Variants in TCTN2 observed in about 807,000 individuals in gnomAD.
TCTN2 encodes the protein tectonic-2.
A neutral mutation model predicts 83.4 loss-of-function variants in TCTN2; 66 were observed. The observed-to-expected ratio is 0.79, with a 90% confidence interval of 0.65 to 0.97. TCTN2 has a LOEUF of 0.97. Ranked by LOEUF, TCTN2 falls within the 50% of genes least tolerant of loss-of-function variation. TCTN2 has a pLI of 0.00. For missense variants in TCTN2, 794 were observed against 858.1 expected (o/e 0.93, Z 0.93); for synonymous variants, 301 against 326.7 (o/e 0.92, Z 0.85).
chr12:123,695,428 T>C (rs1442953058), intron 11 of TCTN2, 131 bp downstream of exon 11: 13 of 726,500 alleles, frequency 1.8e-5, no homozygotes, highest in Non-Finnish European at 2.9e-5. Context: ...TATTTTCTCT[T>C]TTTCTTTTTT....
intron 1 of TCTN2, 49 bp downstream of exon 1, chr12:123,671,371 G>T (rs777836313): frequency 3.1e-6 from 5 of 1,606,498 alleles, no homozygotes; most frequent in Middle Eastern, 1.7e-4. Flanking sequence ...TGAGGGGACT[G>T]GGCGTTAAAA....
chr12:123,685,281 T>A (rs1383508686), intron 5 of TCTN2, among the ~76,000 whole-genome samples: 1 of 152,186 alleles, frequency 6.6e-6, no homozygotes, highest in Admixed American at 6.6e-5. Context: ...AAACAATCAA[T>A]TTTTAATTTG....
chr12:123,692,938 C>G (rs1000998507), intron 9 of TCTN2, among the ~76,000 whole-genome samples: 8 of 151,840 alleles, frequency 5.3e-5, no homozygotes, highest in African/African-American at 1.9e-4. Flanking sequence ...CTCCACAGTC[C>G]TGGATTCTCT....
intron 9 of TCTN2, among the ~76,000 whole-genome samples, chr12:123,693,805 GTTTC>G (rs1353771569): frequency 6.7e-6 from 1 of 148,602 alleles, no homozygotes; most frequent in African/African-American, 2.5e-5. Context: ...GATACTGTTT[GTTTC>G]TTTCTTTTCT....
intron 14 of TCTN2, among the ~76,000 whole-genome samples, chr12:123,701,882 A>G (rs7305874): frequency 1 from 152,330 of 152,330 alleles, 76,165 homozygotes; most frequent in Non-Finnish European, 1. Context: ...ACAAAGGGAA[A>G]AAGATATACC....
intron 9 of TCTN2, among the ~76,000 whole-genome samples, chr12:123,694,457 G>A (rs745538507): frequency 6.6e-6 from 1 of 152,358 alleles, no homozygotes; most frequent in Non-Finnish European, 1.5e-5. Context: ...TCAAATGTTA[G>A]TGGAGTTCCT....
chr12:123,680,276 A>G (rs1366915866), intron 5 of TCTN2, among the ~76,000 whole-genome samples: 1 of 148,482 alleles, frequency 6.7e-6, no homozygotes, highest in Admixed American at 6.7e-5. Context: ...CGCTTGAACT[A>G]GGGAGGCAGA....
At chr12:123,680,299 C>A (rs1448697425) in intron 5 of TCTN2, among the ~76,000 whole-genome samples, 1 of 148,502 alleles carries the variant, frequency 6.7e-6, no homozygotes, top group Non-Finnish European at 1.5e-5. Context: ...TTGCAGTGAG[C>A]CAGAATTGTG....
intron 14 of TCTN2, among the ~76,000 whole-genome samples, chr12:123,700,721 G>A (rs1204481388): frequency 6.6e-6 from 1 of 152,178 alleles, no homozygotes; most frequent in Non-Finnish European, 1.5e-5. Context: ...GTTAGCCACC[G>A]TGCCAGGCCG....
chr12:123,687,122 C>A lies in TCTN2; in HGVS notation c.764+87C>A. The A allele has an allele frequency of 4.0e-6, 6 of 1,499,960 alleles. No homozygotes were observed. The East Asian group carries it at 6.8e-5, about 17-fold the overall frequency. 92.9% of individuals were successfully genotyped at this position (1,499,960 alleles called of 1,614,324 possible). The stretch of plus-strand genomic sequence containing the variant: ...TCTAGTAGGCCCTGCAACGCGGTCA[C>A]GTTTTTCCCAACCCCTCTCCAGAGG... On this transcript the variant is annotated intron_variant, in intron 6 of 17. Coordinates refer to ENST00000303372, the MANE Select transcript of TCTN2 (RefSeq NM_024809.5).
chr12:123,696,868 G>C, intron 12 of TCTN2: 1 of 563,654 alleles, frequency 1.8e-6, no homozygotes, highest in Non-Finnish European at 3.2e-6. Context: ...CCTGCCAGAG[G>C]CAGTGTCACT....
Position 123,688,089 on chromosome 12 carries a change from A to C in TCTN2, c.803A>C (p.Asp268Ala). 1 of 1,614,112 alleles carries C rather than the reference A, an allele frequency of 6.2e-7. No homozygotes were observed. The highest frequency in any genetic ancestry group is 8.5e-7 in the Non-Finnish European group (1 of 1,179,992). The change falls in exon 7 of 18, where the codon GAT becomes GCT. Residue 268 changes from aspartate to alanine, a missense_variant. Coordinates refer to ENST00000303372, the MANE Select transcript of TCTN2 (RefSeq NM_024809.5). Reference protein sequence around the residue: ...KQDSSFEVYVDTDAKDFADFG... With the variant: ...KQDSSFEVYVATDAKDFADFG... The stretch of plus-strand genomic sequence containing the variant: ...GACTCTTCCTTTGAAGTATATGTGG[A>C]TACTGACGCAAAAGACTTTGCAGAC...
intron 13 of TCTN2, among the ~76,000 whole-genome samples, chr12:123,698,850 C>A (rs1956140179): frequency 6.6e-6 from 1 of 152,130 alleles, no homozygotes; most frequent in South Asian, 2.1e-4. Flanking sequence ...AAATTATTGG[C>A]AGCAGCTCCT....
chr12:123,690,835 G>A (rs1317786365), intron 8 of TCTN2, among the ~76,000 whole-genome samples, 161 bp downstream of exon 8: 3 of 152,090 alleles, frequency 2.0e-5, no homozygotes, highest in Non-Finnish European at 2.9e-5. Flanking sequence ...ACAGCATATT[G>A]CATATTAATT....
At chr12:123,689,564 G>A (rs1956017152) in intron 7 of TCTN2, among the ~76,000 whole-genome samples, 1 of 151,994 alleles carries the variant, frequency 6.6e-6, no homozygotes, top group African/African-American at 2.4e-5. Context: ...TTGTTATATA[G>A]GTAAACTTGT....
At chr12:123,681,081 C>T (rs992541939) in intron 5 of TCTN2, among the ~76,000 whole-genome samples, 1 of 151,816 alleles carries the variant, frequency 6.6e-6, no homozygotes, top group Non-Finnish European at 1.5e-5. Flanking sequence ...CCAGCCTGGG[C>T]AACATGGCAA....
At chr12:123,681,955 T>C (rs756319123) in intron 5 of TCTN2, among the ~76,000 whole-genome samples, 2 of 152,192 alleles carry the variant, frequency 1.3e-5, no homozygotes, top group Non-Finnish European at 2.9e-5. Context: ...TATTTCTTTA[T>C]GATTTCCTTC....
chr12:123,689,153 C>A (rs1448025299), intron 7 of TCTN2, among the ~76,000 whole-genome samples: 3 of 152,080 alleles, frequency 2.0e-5, no homozygotes, highest in Non-Finnish European at 4.4e-5. Flanking sequence ...CCCTGACCTC[C>A]CACATTCAAG....
intron 14 of TCTN2, among the ~76,000 whole-genome samples, chr12:123,702,712 A>G (rs1956186901): frequency 6.6e-6 from 1 of 152,184 alleles, no homozygotes; most frequent in African/African-American, 2.4e-5. Flanking sequence ...GGCTGGAGAA[A>G]AGTCAGCAGT....
Sources: gnomAD v4.1 joint callset for allele counts (sites outside exome capture counted in the v4.1 genomes callset) on GRCh38, gnomAD v4.1.1 for gene constraint, MANE v1.5 for transcripts, NCBI Gene and HGNC (gene_info 2026-07-23, HGNC 2026-07-21) for gene names.